Variants in ACOX2 observed in about 807,000 individuals in gnomAD.
ACOX2 encodes peroxisomal acyl-coenzyme A oxidase 2.
In ACOX2, 59 loss-of-function variants were observed where a neutral mutation model predicts 77.5. That is an observed-to-expected ratio of 0.76 (90% CI 0.62 to 0.95). The LOEUF is 0.95. Ranked by LOEUF, ACOX2 falls within the 40% of genes least tolerant of loss-of-function variation. The pLI is 0.00. For synonymous variants in ACOX2, 317 were observed against 340.1 expected, an observed-to-expected ratio of 0.93 and a Z score of 0.75; for missense variants, 837 against 880.4, an observed-to-expected ratio of 0.95 and a Z score of 0.62.
chr3:58,533,966 A>T lies in ACOX2; in HGVS notation c.475+28T>A. ...CTGGAGTTTTGCAGTGCACAACCTA[A>T]ACACCACACGCAGCAGTCCTAGCTC... On this transcript the variant is annotated intron_variant, in intron 4 of 14. Coordinates refer to ENST00000302819, the MANE Select transcript of ACOX2 (RefSeq NM_003500.4). The surrounding 1 kb of genome is among the most constrained non-coding windows in gnomAD (Gnocchi z 5.6). 6.2e-7 allele frequency: 1 copy of T among 1,613,484 alleles called. No homozygotes were observed. The highest frequency in any genetic ancestry group is 1.1e-5 in the South Asian group (1 of 90,958).
rs1302058733 is a variant in ACOX2, at chr3:58,522,811, G to C, written c.1527-210C>G. Reference sequence around the variant, plus strand: ...AATGGGGAAAACTGAGTCCCAGAGAGGTTAACCAATTTGTCCAGGGTCACA... The same window carrying C: ...AATGGGGAAAACTGAGTCCCAGAGACGTTAACCAATTTGTCCAGGGTCACA... On this transcript the variant is annotated intron_variant, in intron 11 of 14. Transcript: ENST00000302819. The surrounding 1 kb of genome is among the most constrained non-coding windows in gnomAD (Gnocchi z 4.3). The C allele has an allele frequency of 3.9e-6, 2 of 515,566 alleles. No individual in the cohort carries two copies. Among genetic ancestry groups the C allele is most frequent in the African/African-American group, 3.9e-5 (2 of 51,914 alleles). The allele number at this position is 515,566 out of a possible 1,614,324, so 31.9% of individuals were successfully genotyped here. A position where few individuals can be genotyped will look rare whatever the true frequency, so the allele number is the denominator to read the frequency against.
At chr3:58,508,817 T>C (rs982124716) in intron 14 of ACOX2, 76 bp downstream of exon 14, 1 of 1,553,488 alleles carries the variant, frequency 6.4e-7, no homozygotes, top group Non-Finnish European at 8.8e-7. Flanking sequence ...TCAATTAAAA[T>C]GGGAGAACAT....
In ACOX2 at chr3:58,524,482, T is replaced by C. The variant is rs1326419386; in HGVS notation, c.1470A>G (p.Ala490=). Reference sequence around the variant, plus strand: ...AGAGCTCCGGGCAGAGGAAGTCGGCTGCCCTCTGGGCTGGACACCTGGCCA... The same window carrying C: ...AGAGCTCCGGGCAGAGGAAGTCGGCCGCCCTCTGGGCTGGACACCTGGCCA... ...PDLARCPAQR[A]ADFLCPELYT... is the part of the protein sequence containing the mutation. Residue 490 remains alanine, a synonymous_variant, in exon 11 of 15, where the codon GCA becomes GCG. Coordinates refer to ENST00000302819, the MANE Select transcript of ACOX2 (RefSeq NM_003500.4). The surrounding 1 kb of genome is among the most constrained non-coding windows in gnomAD (Gnocchi z 5.5). 3.1e-6 allele frequency: 5 copies of C among 1,594,076 alleles called. No individual in the cohort carries two copies. The highest frequency in any genetic ancestry group is 1.7e-4 in the Middle Eastern group (1 of 6,006).
rs1285060875 is a variant in ACOX2, at chr3:58,531,626, CCAGGT to C, written c.703+62_703+66del. 6.3e-7 allele frequency: 1 copy of C among 1,578,408 alleles called. No homozygotes were observed. Among genetic ancestry groups the C allele is most frequent in the African/African-American group, 1.4e-5 (1 of 73,774 alleles). On this transcript the variant is annotated intron_variant, in intron 6 of 14. Coordinates refer to ENST00000302819, the MANE Select transcript of ACOX2 (RefSeq NM_003500.4). The surrounding 1 kb of genome is among the most constrained non-coding windows in gnomAD (Gnocchi z 5.8). ...GCTACTCCTGTGGCCCTCTGGGGCCCCAGGTCAGGGAGGCCACCTGGGCTCTCCTC... is the reference window on the plus strand; with the variant it reads ...GCTACTCCTGTGGCCCTCTGGGGCCCCAGGGAGGCCACCTGGGCTCTCCTC...
At chr3:58,511,050 T>C (rs1328435894) in intron 13 of ACOX2, 1 of 456,572 alleles carries the variant, frequency 2.2e-6, no homozygotes, top group African/African-American at 2.0e-5. Flanking sequence ...TTACATCGTA[T>C]TTCACTAATG....
In ACOX2 at chr3:58,526,896, G is replaced by A. The variant is rs912251784; in HGVS notation, c.1156-240C>T. On this transcript the variant is annotated intron_variant, in intron 9 of 14. Coordinates refer to ENST00000302819, the MANE Select transcript of ACOX2 (RefSeq NM_003500.4). The surrounding 1 kb of genome is among the most constrained non-coding windows in gnomAD (Gnocchi z 4.3). ...TAAGAGTGAAGGAAAACCTGGCCTG[G>A]CCAGTGTCTCCAGGATTGGGAAGAG... 4.2e-6 allele frequency: 2 copies of A among 480,326 alleles called. No individual in the cohort carries two copies. Among genetic ancestry groups the A allele is most frequent in the African/African-American group, 2.0e-5 (1 of 50,562 alleles). The allele number at this position is 480,326 out of a possible 1,614,324, so 29.8% of individuals were successfully genotyped here. A position where few individuals can be genotyped will look rare whatever the true frequency, so the allele number is the denominator to read the frequency against.
chr3:58,508,662 A>G (rs2063251942), intron 14 of ACOX2, among the ~76,000 whole-genome samples: 2 of 152,112 alleles, frequency 1.3e-5, no homozygotes, highest in Admixed American at 1.3e-4. Flanking sequence ...CCCTTTACTA[A>G]GTTCCGAGCA....
At chr3:58,518,075 C>CAAAAAAAAAAAAAAAAA (rs763535906) in intron 12 of ACOX2, among the ~76,000 whole-genome samples, 159 of 47,592 alleles carry the variant, frequency 3.3e-3, no homozygotes, top group African/African-American at 4.1e-3. Flanking sequence ...AACTCCATCT[C>CAAAAAAAAAAAAAAAAA]AAAAAAAAAA....
In ACOX2 at chr3:58,505,334, G is replaced by A; in HGVS notation, c.1984-48C>T. The A allele has an allele frequency of 6.9e-7, 1 of 1,453,750 alleles. No individual in the cohort carries two copies. The allele number at this position is 1,453,750 out of a possible 1,614,324, so 90.1% of individuals were successfully genotyped here. On this transcript the variant is annotated intron_variant, in intron 14 of 14. Transcript: ENST00000302819. The surrounding 1 kb of genome is among the most constrained non-coding windows in gnomAD (Gnocchi z 4.4). ...TATTAACACAGTACATTTCTGCCAG[G>A]ATTAATGACTTTCACTTTCAAATTA... is the stretch of plus-strand genomic sequence containing the variant.
Position 58,526,573 on chromosome 3 carries a change from G to T in ACOX2, c.1239C>A (p.Gly413=), listed in dbSNP as rs371116080. ...CACTCAGCTTTGAGTAGCCATGTCC[G>T]CCACAGGCCCTGCGGCACATCTCAG... The part of the protein sequence containing the change: ...QGAEMCRRAC[G]GHGYSKLSGL... Residue 413 remains glycine (G), a synonymous_variant, in exon 10 of 15, where the codon GGC becomes GGA. Coordinates refer to ENST00000302819, the MANE Select transcript of ACOX2 (RefSeq NM_003500.4). The surrounding 1 kb of genome is among the most constrained non-coding windows in gnomAD (Gnocchi z 4.3). 2 of 1,614,208 alleles carry T rather than the reference G, an allele frequency of 1.2e-6. No individual in the cohort carries two copies. Among genetic ancestry groups the T allele is most frequent in the African/African-American group, 2.7e-5 (2 of 75,054 alleles).
rs2063255279 is a variant in ACOX2, at chr3:58,508,956, A to G, written c.1920T>C (p.Cys640=). The G allele has an allele frequency of 1.2e-6, 2 of 1,614,058 alleles. No individual in the cohort carries two copies. Among genetic ancestry groups the G allele is most frequent in the Admixed American group, 3.3e-5 (2 of 59,998 alleles). The change falls in exon 14 of 15, where the codon TGT becomes TGC. Residue 640 remains cysteine, a synonymous_variant. Transcript: ENST00000302819. ...GGCGTTCGTAGACGTTTCCATCATA[A>G]CAGCCAAGTGCTGAATTTAAACACT... ...TDQCLNSALG[C]YDGNVYERLF...
In ACOX2 at chr3:58,508,961, C is replaced by G; in HGVS notation, c.1915G>C (p.Gly639Arg). 1 of 1,614,172 alleles carries G rather than the reference C, an allele frequency of 6.2e-7. No individual in the cohort carries two copies. Among genetic ancestry groups the G allele is most frequent in the Non-Finnish European group, 8.5e-7 (1 of 1,180,022 alleles). The change falls in exon 14 of 15, where the codon GGC becomes CGC. Residue 639 changes from glycine to arginine, a missense_variant. Gly to Arg is a moderately radical substitution (Grantham distance 125). Transcript: ENST00000302819. ...TCGTAGACGTTTCCATCATAACAGC[C>G]AAGTGCTGAATTTAAACACTGATCG... is the stretch of plus-strand genomic sequence containing the variant. ...FTDQCLNSAL[G>R]CYDGNVYERL...
Position 58,510,697 on chromosome 3 carries a change from TATATATATATATACACACACACACACAC to T in ACOX2, c.1851-1700_1851-1673del, listed in dbSNP as rs1264219339. On this transcript the variant is annotated intron_variant, in intron 13 of 14. Coordinates refer to ENST00000302819, the MANE Select transcript of ACOX2 (RefSeq NM_003500.4). ...ATATATATATATATATATATATATA[TATATATATATATACACACACACACACAC>T]ACACACACACACACACTCAACGATT... Among the ~76,000 whole-genome samples, 33 of 6,896 alleles carry T rather than the reference TATATATATATATACACACACACACACAC, an allele frequency of 4.8e-3. 3 individuals are homozygous for T. The highest frequency in any genetic ancestry group is 7.9e-3 in the East Asian group (1 of 126). 4.5% of individuals were successfully genotyped at this position (6,896 alleles called of 152,430 possible). A position where few individuals can be genotyped will look rare whatever the true frequency, so the allele number is the denominator to read the frequency against.
In ACOX2 at chr3:58,512,320, C is replaced by T. The variant is rs577013930; in HGVS notation, c.1851-3295G>A. On this transcript the variant is annotated intron_variant, in intron 13 of 14. Transcript: ENST00000302819. The surrounding 1 kb of genome is among the most constrained non-coding windows in gnomAD (Gnocchi z 4.8). ...CTTCAACCATTCCCACCACCTCCAG[C>T]ACTGTCACTGCTCCAATCCACTATC... Among the ~76,000 whole-genome samples the T allele has an allele frequency of 3.9e-5, 6 of 152,356 alleles. No homozygotes were observed. In the East Asian group the frequency reaches 1.2e-3, roughly 29 times the overall value.
intron 13 of ACOX2, among the ~76,000 whole-genome samples, chr3:58,510,361 G>A (rs1269995956): frequency 2.0e-5 from 3 of 151,732 alleles, no homozygotes; most frequent in African/African-American, 7.3e-5. Flanking sequence ...GGCCGGGCGC[G>A]ATGGCTCACA....
At position 58,534,249 on chromosome 3, in the gene ACOX2, G is replaced by A. The variant is rs146040812; in HGVS notation, c.324-104C>T. The A allele has an allele frequency of 1.0e-4, 158 of 1,575,346 alleles. 1 individual carries two copies. In the Middle Eastern group the frequency reaches 1.2e-3, roughly 12 times the overall value. ...GAGATAAAGGGCACCTAGCATCCTG[G>A]TTTCCCAACAAGTCTTCCCTTTGTT... On this transcript the variant is annotated intron_variant, in intron 3 of 14. Transcript: ENST00000302819. The surrounding 1 kb of genome is among the most constrained non-coding windows in gnomAD (Gnocchi z 4.8).
At chr3:58,509,047 T>C in intron 13 of ACOX2, 22 bp from the exon 14 acceptor site, 1 of 1,613,356 alleles carries the variant, frequency 6.2e-7, no homozygotes, top group South Asian at 1.1e-5. Flanking sequence ...AACAAGAGTT[T>C]GTAAGTATTT....
In ACOX2 at chr3:58,531,580, G is replaced by C; in HGVS notation, c.703+113C>G. 6.7e-7 allele frequency: 1 copy of C among 1,489,676 alleles called. No individual in the cohort carries two copies. The highest frequency in any genetic ancestry group is 2.1e-5 in the Admixed American group (1 of 48,250). 92.3% of individuals were successfully genotyped at this position (1,489,676 alleles called of 1,614,324 possible). On this transcript the variant is annotated intron_variant, in intron 6 of 14. Coordinates refer to ENST00000302819, the MANE Select transcript of ACOX2 (RefSeq NM_003500.4). This position sits in a 1 kb window ranked among gnomAD's most constrained non-coding sequence, Gnocchi z 5.8. ...AGTCTGTCCAACTGGACCGCTCCCT[G>C]CCCAAGGGAGACATGTCTTAGCTAC...
chr3:58,518,908 G>A lies in ACOX2; in HGVS notation c.1633-1485C>T, dbSNP rs144385534. The stretch of plus-strand genomic sequence containing the variant: ...TCCTTCCTTGGCTTCCCAAAGTGCT[G>A]GGATTACAGGCGTGAGCCTCTGGAC... On this transcript the variant is annotated intron_variant, in intron 12 of 14. Coordinates refer to ENST00000302819, the MANE Select transcript of ACOX2 (RefSeq NM_003500.4). 4.3e-3 allele frequency among the ~76,000 whole-genome samples: 650 copies of A among 151,874 alleles called. 4 individuals are homozygous for A. The highest frequency in any genetic ancestry group is 0.015 in the African/African-American group (602 of 41,416).
Sources: allele counts gnomAD v4.1 joint callset (sites outside exome capture counted in the v4.1 genomes callset), GRCh38; gene constraint gnomAD v4.1.1; non-coding constraint Gnocchi (gnomAD v3.1); transcripts MANE v1.5; gene names NCBI Gene and HGNC (gene_info 2026-07-23, HGNC 2026-07-21).